Variants in SEMA3A observed in about 807,000 individuals in gnomAD.
SEMA3A encodes semaphorin 3A, also known as semaphorin-3A.
A neutral mutation model predicts 97.9 loss-of-function variants in SEMA3A; 29 were observed. That is an observed-to-expected ratio of 0.30 (90% CI 0.22 to 0.40). The LOEUF (loss-of-function observed/expected upper bound fraction) is 0.40. SEMA3A is among the 10% of genes least tolerant of loss of function. The pLI, the probability that SEMA3A is intolerant of heterozygous loss-of-function variation, is 1.00. For missense variants in SEMA3A, 763 were observed against 951.3 expected, an observed-to-expected ratio of 0.80 and a Z score of 2.60; for synonymous variants, 321 against 323.7, an observed-to-expected ratio of 0.99 and a Z score of 0.09.
chr7:84,474,811 G>A (rs546332869), intron 1 of SEMA3A, among the ~76,000 whole-genome samples: 96 of 152,046 alleles, frequency 6.3e-4, no homozygotes, highest in African/African-American at 2.2e-3. Context: ...AAAATGGAGA[G>A]AAAATACAAA....
At chr7:84,441,278 A>T (rs1805267522) in intron 1 of SEMA3A, among the ~76,000 whole-genome samples, 1 of 151,970 alleles carries the variant, frequency 6.6e-6, no homozygotes, top group Non-Finnish European at 1.5e-5. Flanking sequence ...TGCTCAAAAA[A>T]CTAAAAGAAG....
chr7:84,181,503 T>A (rs544204897), intron 1 of SEMA3A, among the ~76,000 whole-genome samples: 1 of 152,084 alleles, frequency 6.6e-6, no homozygotes, highest in South Asian at 2.1e-4. Context: ...GACGTAATTA[T>A]GTCTAACTAC....
intron 1 of SEMA3A, among the ~76,000 whole-genome samples, chr7:84,424,502 A>ATATATAAATATTAATATATATTATATAT (rs1562942390): frequency 7.2e-4 from 66 of 91,288 alleles, no homozygotes; most frequent in Middle Eastern, 0.013. Context: ...ATAATATATA[A>ATATATAAATATTAATATATATTATATAT]TATATAAATA....
chr7:84,081,295 T>A (rs1583931585), intron 4 of SEMA3A, among the ~76,000 whole-genome samples: 1 of 151,682 alleles, frequency 6.6e-6, no homozygotes, highest in South Asian at 2.1e-4. Flanking sequence ...CTGGTAAAAA[T>A]TTCCCAAGCT....
chr7:84,046,515 C>G (rs528013513), intron 5 of SEMA3A, 72 bp from the exon 6 acceptor site: 4 of 1,552,850 alleles, frequency 2.6e-6, no homozygotes, highest in Admixed American at 1.7e-5. Context: ...ACAAAACAAA[C>G]AAAATGCAAG....
At chr7:84,147,166 A>C (rs1796487669) in intron 1 of SEMA3A, among the ~76,000 whole-genome samples, 1 of 152,214 alleles carries the variant, frequency 6.6e-6, no homozygotes, top group Non-Finnish European at 1.5e-5. Context: ...AACAGTGGAA[A>C]ATATTCACAT....
rs537329082 is a variant in SEMA3A, at chr7:83,967,279, G to A, written c.1718-3932C>T. On this transcript the variant is annotated intron_variant, in intron 15 of 16. Transcript: ENST00000265362. ...CTTTCCATTTCCTGAGTGCTCTACC[G>A]CAACCACTGGCATAAATTTTGTACA... Among the ~76,000 whole-genome samples, 8 of 152,190 alleles carry A rather than the reference G, an allele frequency of 5.3e-5. No individual in the cohort carries two copies. In the South Asian group the frequency reaches 8.3e-4, roughly 16 times the overall value.
At chr7:84,456,435 TTAAG>T (rs1426862143) in intron 1 of SEMA3A, among the ~76,000 whole-genome samples, 3 of 151,858 alleles carry the variant, frequency 2.0e-5, no homozygotes, top group East Asian at 1.9e-4. Context: ...GACACTCTGA[TTAAG>T]TAAGAGATTT....
intron 1 of SEMA3A, among the ~76,000 whole-genome samples, chr7:84,485,069 C>A (rs903543999): frequency 4.6e-5 from 7 of 152,120 alleles, no homozygotes; most frequent in Admixed American, 4.6e-4. Flanking sequence ...GACAAATCTA[C>A]CTTTATTTGT....
chr7:84,486,217 G>A (rs2116444080), intron 1 of SEMA3A, among the ~76,000 whole-genome samples: 1 of 151,970 alleles, frequency 6.6e-6, no homozygotes, highest in Admixed American at 6.6e-5. Flanking sequence ...GTGAAACCCT[G>A]TCTCTATTAA....
intron 15 of SEMA3A, among the ~76,000 whole-genome samples, chr7:83,964,860 T>C (rs904737634): frequency 3.3e-5 from 5 of 152,164 alleles, no homozygotes; most frequent in East Asian, 1.9e-4. Flanking sequence ...TGTTTTTTTT[T>C]CCCCTCTGAG....
chr7:84,476,990 G>A (rs1286146387), intron 1 of SEMA3A, among the ~76,000 whole-genome samples: 1 of 150,368 alleles, frequency 6.7e-6, no homozygotes, highest in African/African-American at 2.4e-5. Flanking sequence ...AAAGGAAAGA[G>A]ACTTATCTTA....
intron 1 of SEMA3A, among the ~76,000 whole-genome samples, chr7:84,450,255 T>A (rs1805522823): frequency 6.6e-6 from 1 of 152,166 alleles, no homozygotes; most frequent in Non-Finnish European, 1.5e-5. Context: ...TCTCTCTCTC[T>A]CTTTTGATAA....
intron 2 of SEMA3A, among the ~76,000 whole-genome samples, chr7:84,360,051 A>G (rs1802673992): frequency 6.6e-6 from 1 of 150,888 alleles, no homozygotes; most frequent in Admixed American, 6.6e-5. Context: ...TAGTCTTGCT[A>G]GTGGTCTATC....
intron 3 of SEMA3A, among the ~76,000 whole-genome samples, chr7:84,210,419 A>T (rs970985512): frequency 6.6e-6 from 1 of 151,968 alleles, no homozygotes; most frequent in African/African-American, 2.4e-5. Flanking sequence ...CAGCCAAAGT[A>T]AAAAAAGCCA....
At chr7:84,006,907 C>T (rs1790690361) in intron 10 of SEMA3A, among the ~76,000 whole-genome samples, 1 of 151,762 alleles carries the variant, frequency 6.6e-6, no homozygotes, top group Non-Finnish European at 1.5e-5. Flanking sequence ...AACAATATAA[C>T]AGTTAAGGAA....
intron 12 of SEMA3A, among the ~76,000 whole-genome samples, chr7:83,994,602 G>T (rs575623961): frequency 8.4e-5 from 12 of 142,904 alleles, no homozygotes; most frequent in South Asian, 7.2e-4. Context: ...GCCCCTGCTG[G>T]GGGGTGCCTC....
At chr7:84,182,773 G>A (rs752040494) in intron 1 of SEMA3A, among the ~76,000 whole-genome samples, 5 of 152,058 alleles carry the variant, frequency 3.3e-5, no homozygotes, top group Non-Finnish European at 7.4e-5. Context: ...AAAACCTAAA[G>A]TTAGGTTCAT....
chr7:84,311,382 A>C (rs1225812924), intron 2 of SEMA3A, among the ~76,000 whole-genome samples: 3 of 151,992 alleles, frequency 2.0e-5, no homozygotes, highest in Non-Finnish European at 2.9e-5. Flanking sequence ...ATGTGCTCCC[A>C]TCTCCTTTCC....
Sources: allele counts gnomAD v4.1 joint callset (sites outside exome capture counted in the v4.1 genomes callset), GRCh38; gene constraint gnomAD v4.1.1; transcripts MANE v1.5; gene names NCBI Gene and HGNC (gene_info 2026-07-23, HGNC 2026-07-21).